The following ADGRG4 variants were observed in gnomAD, a reference collection of about 807,000 sequenced individuals.
The protein encoded by ADGRG4 is G protein-coupled receptor 112.
Under a neutral mutation model 126.2 loss-of-function variants are expected in ADGRG4, and 122 were observed. The observed-to-expected ratio is 0.97, with a 90% confidence interval of 0.83 to 1.12. ADGRG4 has a LOEUF of 1.12. ADGRG4 is among the 50% of genes most tolerant of loss of function. The pLI is 0.00. For synonymous variants in ADGRG4, 943 were observed against 838.7 expected (o/e 1.12, Z -2.15); for missense variants, 2,481 against 2,251.8 (o/e 1.10, Z -2.06).
At chrX:136,400,553 T>A (rs1234040750) in intron 21 of ADGRG4, among the ~76,000 whole-genome samples, 1 of 112,480 alleles carries the variant, frequency 8.9e-6, no homozygotes, top group Admixed American at 9.4e-5. Context: ...ATGAGGAGAC[T>A]GAGGCACACA....
At chrX:136,396,698 G>A (rs2075350821) in intron 19 of ADGRG4, among the ~76,000 whole-genome samples, 1 of 108,679 alleles carries the variant, frequency 9.2e-6, no homozygotes, top group Non-Finnish European at 1.9e-5. Context: ...TCCCTCTTTT[G>A]GATCTTAGAT....
rs1471047011 is a variant in ADGRG4, at chrX:136,345,085, A to G, written c.1379A>G (p.His460Arg). The G allele has an allele frequency of 3.3e-6, 4 of 1,208,876 alleles. No homozygotes were observed. Among genetic ancestry groups the G allele is most frequent in the African/African-American group, 3.5e-5 (2 of 57,273 alleles). The change falls in exon 6 of 26, where the codon CAT (histidine) becomes CGT (arginine). Residue 460 changes from histidine (H) to arginine (R), a missense_variant. His to Arg is a conservative substitution (Grantham distance 29). Coordinates refer to ENST00000394143, the MANE Select transcript of ADGRG4 (RefSeq NM_153834.4). ...TVEKTSPASTHVGTASSFPPE... is the reference protein window; with the variant it reads ...TVEKTSPASTRVGTASSFPPE... Reference sequence around the variant, plus strand: ...GAAAAGACTTCACCTGCATCTACTCATGTTGGGACTGCATCATCATTCCCA... The same window carrying G: ...GAAAAGACTTCACCTGCATCTACTCGTGTTGGGACTGCATCATCATTCCCA...
rs190988727 is a variant in ADGRG4, at chrX:136,353,312, A to T, written c.6823-25A>T. 52 of 1,075,064 alleles carry T rather than the reference A, an allele frequency of 4.8e-5. 1 individual carries two copies. The East Asian group carries it at 9.3e-4, about 19-fold the overall frequency. The allele number at this position is 1,075,064 out of a possible 1,213,427, so 88.6% of individuals were successfully genotyped here. ...TAAACTAGAGGAGCAGAATACTAAA[A>T]CTGATTTTTTTTTGTCTTGTACAGT... On this transcript the variant is annotated intron_variant, in intron 7 of 25. Coordinates refer to ENST00000394143, the MANE Select transcript of ADGRG4 (RefSeq NM_153834.4).
At chrX:136,304,813 T>G (rs746944660) in intron 2 of ADGRG4, 42 bp from the exon 3 acceptor site, 4 of 111,461 alleles carry the variant, frequency 3.6e-5, no homozygotes, top group Non-Finnish European at 5.7e-5. Flanking sequence ...GCCAGGGAAG[T>G]GTCAATATGT....
intron 5 of ADGRG4, among the ~76,000 whole-genome samples, chrX:136,334,563 A>C (rs771176665): frequency 8.9e-6 from 1 of 112,182 alleles, no homozygotes; most frequent in Non-Finnish European, 1.9e-5. Context: ...ACTATGTTGA[A>C]TCTTCCAATC....
rs2075000321 is a variant in ADGRG4, at chrX:136,344,650, T to C, written c.944T>C (p.Val315Ala). The change falls in exon 6 of 26, where the codon GTG becomes GCG. Residue 315 changes from valine to alanine, a missense_variant. Coordinates refer to ENST00000394143, the MANE Select transcript of ADGRG4 (RefSeq NM_153834.4). ...GTAGATGAGACAGCTACATTTGCAG[T>C]GGATGTTTTATCAACTTCATCAGCC... ...TLVDETATFA[V>A]DVLSTSSAIS... 2 of 1,208,977 alleles carry C rather than the reference T, an allele frequency of 1.7e-6. No individual in the cohort carries two copies. Among genetic ancestry groups the C allele is most frequent in the African/African-American group, 3.5e-5 (2 of 57,190 alleles).
At chrX:136,363,640 T>A in intron 13 of ADGRG4, 45 bp downstream of exon 13, 1 of 844,129 alleles carries the variant, frequency 1.2e-6, no homozygotes, top group Non-Finnish European at 1.8e-6. Context: ...GAACTTCAAT[T>A]ACTTTGCCTA....
intron 23 of ADGRG4, among the ~76,000 whole-genome samples, chrX:136,411,264 G>T (rs1025701980): frequency 1.8e-5 from 2 of 112,310 alleles, no homozygotes; most frequent in Non-Finnish European, 3.8e-5. Context: ...TGACCAAGTT[G>T]GTCTTGAACT....
chrX:136,320,080 A>G (rs2074830809), intron 4 of ADGRG4, among the ~76,000 whole-genome samples: 1 of 111,788 alleles, frequency 8.9e-6, no homozygotes, highest in South Asian at 3.8e-4. Context: ...CCTATTTCAC[A>G]CAATAGTAAG....
chrX:136,314,706 G>GT (rs1371652521), intron 4 of ADGRG4, among the ~76,000 whole-genome samples: 4 of 112,023 alleles, frequency 3.6e-5, no homozygotes, highest in African/African-American at 9.7e-5. Context: ...TGTAATTTGT[G>GT]TTTTTTCCTT....
intron 4 of ADGRG4, among the ~76,000 whole-genome samples, chrX:136,317,926 C>T (rs2074815676): frequency 8.9e-6 from 1 of 111,978 alleles, no homozygotes; most frequent in Non-Finnish European, 1.9e-5. Flanking sequence ...AATTGGAGCC[C>T]TCATACATTG....
intron 23 of ADGRG4, among the ~76,000 whole-genome samples, chrX:136,410,326 C>T (rs142146781): frequency 7.2e-5 from 8 of 111,460 alleles, no homozygotes; most frequent in African/African-American, 2.3e-4. Flanking sequence ...TTGAATACTT[C>T]TGTTTGTCAT....
intron 5 of ADGRG4, among the ~76,000 whole-genome samples, chrX:136,343,551 A>T (rs1369845043): frequency 9.0e-6 from 1 of 111,652 alleles, no homozygotes; most frequent in Non-Finnish European, 1.9e-5. Flanking sequence ...GATGAGTCTA[A>T]AAATGAGTGG....
At chrX:136,370,763 C>A (rs752596551) in intron 13 of ADGRG4, among the ~76,000 whole-genome samples, 1 of 111,847 alleles carries the variant, frequency 8.9e-6, no homozygotes, top group South Asian at 3.7e-4. Flanking sequence ...ATTCTTTCTA[C>A]TTTTGTGTAT....
At chrX:136,390,866 C>A (rs1328236764) in intron 16 of ADGRG4, among the ~76,000 whole-genome samples, 1 of 110,792 alleles carries the variant, frequency 9.0e-6, no homozygotes, top group Non-Finnish European at 1.9e-5. Context: ...TAAATAACAT[C>A]TAGTCTGCCA....
chrX:136,327,820 T>C (rs2074883584), intron 5 of ADGRG4, among the ~76,000 whole-genome samples: 1 of 111,333 alleles, frequency 9.0e-6, no homozygotes. Context: ...TTTATCATTT[T>C]TACTAGTTAT....
intron 1 of ADGRG4, 59 bp downstream of exon 1, chrX:136,301,059 G>A (rs1429974047): frequency 8.9e-6 from 1 of 112,379 alleles, no homozygotes; most frequent in African/African-American, 3.2e-5. Flanking sequence ...GTGTGCATGT[G>A]TCTTTATAGC....
At chrX:136,337,930 A>T (rs753590240) in intron 5 of ADGRG4, among the ~76,000 whole-genome samples, 1 of 111,291 alleles carries the variant, frequency 9.0e-6, no homozygotes, top group East Asian at 2.8e-4. Flanking sequence ...TTTTAAGGCT[A>T]TGGTAATATG....
At chrX:136,385,435 A>G (rs1184252803) in intron 15 of ADGRG4, among the ~76,000 whole-genome samples, 1 of 111,856 alleles carries the variant, frequency 8.9e-6, no homozygotes, top group Non-Finnish European at 1.9e-5. Flanking sequence ...TTCCAATTAT[A>G]CTCAAAGTTT....
Sources: gnomAD v4.1 joint callset for allele counts (sites outside exome capture counted in the v4.1 genomes callset) on GRCh38, gnomAD v4.1.1 for gene constraint, MANE v1.5 for transcripts, NCBI Gene and HGNC (gene_info 2026-07-23, HGNC 2026-07-21) for gene names.